The following TMEM232 variants were observed in gnomAD, a reference collection of about 807,000 sequenced individuals.
TMEM232 encodes the protein transmembrane protein 232.
A neutral mutation model predicts 78.8 loss-of-function variants in TMEM232; 80 were observed. That is an observed-to-expected ratio of 1.01 (90% CI 0.85 to 1.22). The LOEUF (loss-of-function observed/expected upper bound fraction) is 1.22, where lower values mean the gene tolerates loss of function less well. Among genes scored for constraint, TMEM232 ranks in the 50% most tolerant of loss-of-function variants. TMEM232 has a pLI of 0.00. For synonymous variants in TMEM232, 297 were observed against 254.3 expected (o/e 1.17, Z -1.60); for missense variants, 881 against 742.2 (o/e 1.19, Z -2.17).
chr5:110,595,379 C>T (rs367674916), intron 10 of TMEM232, among the ~76,000 whole-genome samples: 1 of 152,076 alleles, frequency 6.6e-6, no homozygotes, highest in African/African-American at 2.4e-5. Context: ...TCCAAATGAT[C>T]GCAACTCCTT....
chr5:110,623,383 T>G (rs956602898), intron 7 of TMEM232, among the ~76,000 whole-genome samples: 56 of 152,288 alleles, frequency 3.7e-4, no homozygotes, highest in African/African-American at 1.3e-3. Flanking sequence ...GGCCAAAGTA[T>G]AGTGCTATGG....
intron 12 of TMEM232, among the ~76,000 whole-genome samples, chr5:110,502,066 T>C (rs1417177185): frequency 6.6e-6 from 1 of 151,814 alleles, no homozygotes; most frequent in Non-Finnish European, 1.5e-5. Flanking sequence ...TGTTTTTGGT[T>C]TTGTTTTGTT....
At chr5:110,541,001 G>C (rs1773034248) in intron 11 of TMEM232, among the ~76,000 whole-genome samples, 1 of 152,130 alleles carries the variant, frequency 6.6e-6, no homozygotes, top group South Asian at 2.1e-4. Flanking sequence ...AGAAGCCAAA[G>C]GCACAACCTT....
chr5:110,721,403 G>A (rs906287858), intron 1 of TMEM232, among the ~76,000 whole-genome samples: 1 of 151,590 alleles, frequency 6.6e-6, no homozygotes, highest in African/African-American at 2.4e-5. Context: ...GAAATGCATG[G>A]ATGTGCTTCT....
intron 12 of TMEM232, among the ~76,000 whole-genome samples, chr5:110,507,495 T>C (rs1767051371): frequency 6.6e-6 from 1 of 152,242 alleles, no homozygotes; most frequent in African/African-American, 2.4e-5. Context: ...CAACTCATAC[T>C]TGGCTAAAAT....
chr5:110,630,265 A>G (rs1188978580), intron 5 of TMEM232, among the ~76,000 whole-genome samples: 3 of 152,218 alleles, frequency 2.0e-5, no homozygotes, highest in Admixed American at 6.5e-5. Flanking sequence ...GACTAGAGAC[A>G]CTGCATACTC....
At chr5:110,474,598 T>C (rs190210743) in intron 12 of TMEM232, among the ~76,000 whole-genome samples, 6 of 152,040 alleles carry the variant, frequency 3.9e-5, no homozygotes, top group East Asian at 3.9e-4. Flanking sequence ...GGCATACATA[T>C]TGGAATTTTA....
At chr5:110,404,682 GA>G (rs1445569755) in intron 2 of TMEM232, among the ~76,000 whole-genome samples, 9 of 151,998 alleles carry the variant, frequency 5.9e-5, no homozygotes, top group African/African-American at 2.2e-4. Context: ...TGACAAAATG[GA>G]TAAGTAAACC....
intron 12 of TMEM232, among the ~76,000 whole-genome samples, chr5:110,453,932 T>TA (rs1343673520): frequency 2.0e-5 from 3 of 151,270 alleles, no homozygotes; most frequent in Non-Finnish European, 4.4e-5. Flanking sequence ...ATGTGATTAA[T>TA]AAAAAAAATC....
At chr5:110,738,163 A>G (rs760907652), upstream of TMEM232, 51 of 1,211,212 alleles carry the variant, frequency 4.2e-5, no homozygotes, top group Non-Finnish European at 5.4e-5. Context: ...AACGAGTTGA[A>G]GGAACATAGG....
intron 12 of TMEM232, among the ~76,000 whole-genome samples, chr5:110,472,502 A>G (rs2066373219): frequency 6.6e-6 from 1 of 151,918 alleles, no homozygotes; most frequent in African/African-American, 2.4e-5. Context: ...TCAATGCAAT[A>G]CCTATCAAAA....
chr5:110,524,227 C>T (rs1299850430), intron 12 of TMEM232, among the ~76,000 whole-genome samples: 1 of 138,682 alleles, frequency 7.2e-6, no homozygotes, highest in Non-Finnish European at 1.5e-5. Flanking sequence ...CACCACTGCA[C>T]TCCAGCTTGG....
rs560736107 is a variant in TMEM232 at position 110,703,826 on chromosome 5, T to C, written c.-13+22801A>G. ...TGTAAACCATCCACAGTCCTCTGCA[T>C]TGGTGGAATGAACAAACAGAATAAT... is the stretch of plus-strand genomic sequence containing the variant. On this transcript the variant is annotated intron_variant, in intron 1 of 13. Coordinates refer to ENST00000455884, the MANE Select transcript of TMEM232 (RefSeq NM_001039763.4). Among the ~76,000 whole-genome samples the C allele has an allele frequency of 2.6e-5, 4 of 152,196 alleles. No homozygotes were observed. In the East Asian group the frequency reaches 7.7e-4, roughly 29 times the overall value.
intron 5 of TMEM232, among the ~76,000 whole-genome samples, chr5:110,636,004 G>A (rs1785769768): frequency 6.6e-6 from 1 of 151,936 alleles, no homozygotes; most frequent in African/African-American, 2.4e-5. Context: ...TAAAGATATG[G>A]AATTAACGTA....
rs141241474 is a variant in TMEM232, at chr5:110,441,606, T to C, written c.1704-16690A>G. 2.3e-4 allele frequency among the ~76,000 whole-genome samples: 35 copies of C among 152,268 alleles called. No individual in the cohort carries two copies. In the East Asian group the frequency reaches 6.6e-3, roughly 29 times the overall value. On this transcript the variant is annotated intron_variant, in intron 12 of 13. Transcript: ENST00000455884. Reference sequence around the variant, plus strand: ...AGAAGACTACAGACTATGACAAAGATGATGATATAGCGTTTCTATAATTGT... The same window carrying C: ...AGAAGACTACAGACTATGACAAAGACGATGATATAGCGTTTCTATAATTGT...
upstream of TMEM232, chr5:110,738,257 G>T (rs1249073221): frequency 7.8e-7 from 1 of 1,286,412 alleles, no homozygotes; most frequent in Non-Finnish European, 1.0e-6. Flanking sequence ...GGTAGTAGGG[G>T]ACGCTCTACA....
Position 110,420,607 on chromosome 5 carries a change from T to C in TMEM232, c.1947A>G (p.Glu649=), listed in dbSNP as rs1580597400. The change falls in exon 14 of 14, where the codon GAA becomes GAG. Residue 649 remains glutamate, a synonymous_variant. Coordinates refer to ENST00000455884, the MANE Select transcript of TMEM232 (RefSeq NM_001039763.4). ...EKLHKQTKPY[E]LPYRKEVI is the part of the protein sequence containing the mutation. ...AAATTACTTCCTTCCTATAAGGAAG[T>C]TCATAGGGCTTGGTTTGCTTATGTA... 1.3e-6 allele frequency: 2 copies of C among 1,489,322 alleles called. No homozygotes were observed. The highest frequency in any genetic ancestry group is 1.8e-6 in the Non-Finnish European group (2 of 1,132,774). The allele number at this position is 1,489,322 out of a possible 1,614,324, so 92.3% of individuals were successfully genotyped here.
chr5:110,544,549 T>A (rs962421542), intron 11 of TMEM232, among the ~76,000 whole-genome samples: 1 of 151,570 alleles, frequency 6.6e-6, no homozygotes, highest in Admixed American at 6.6e-5. Flanking sequence ...ATTTTTGACA[T>A]AAGAGAAAAA....
intron 2 of TMEM232, among the ~76,000 whole-genome samples, chr5:110,733,237 G>A (rs745909092): frequency 1.6e-4 from 24 of 152,132 alleles, no homozygotes; most frequent in Non-Finnish European, 2.8e-4. Flanking sequence ...CTTACATACC[G>A]TTGGGTGGGA....
Sources: gnomAD v4.1 joint callset for allele counts (sites outside exome capture counted in the v4.1 genomes callset) on GRCh38, gnomAD v4.1.1 for gene constraint, MANE v1.5 for transcripts, NCBI Gene and HGNC (gene_info 2026-07-23, HGNC 2026-07-21) for gene names.